CPSF7: variants seen among roughly 807,000 people sequenced by gnomAD.
CPSF7 encodes the protein cleavage and polyadenylation specific factor 7.
Under a neutral mutation model 44.3 loss-of-function variants are expected in CPSF7, and 1 was observed. That is an observed-to-expected ratio of 0.02 (90% CI 0.01 to 0.11). CPSF7 has a LOEUF of 0.11. Ranked by LOEUF, CPSF7 falls within the 10% of genes least tolerant of loss-of-function variation. The pLI is 1.00. For missense variants in CPSF7, 443 were observed against 607.2 expected, an observed-to-expected ratio of 0.73 and a Z score of 2.84; for synonymous variants, 202 against 222.0, an observed-to-expected ratio of 0.91 and a Z score of 0.80.
intron 2 of CPSF7, among the ~76,000 whole-genome samples, chr11:61,428,717 G>A (rs772723866): frequency 6.6e-6 from 1 of 152,202 alleles, no homozygotes; most frequent in Non-Finnish European, 1.5e-5. Flanking sequence ...TAATTGGAAT[G>A]GAGTTGAAAC....
chr11:61,420,233 C>G, intron 4 of CPSF7, 139 bp from the exon 5 acceptor site: 2 of 737,878 alleles, frequency 2.7e-6, no homozygotes, highest in Non-Finnish European at 4.4e-6. Flanking sequence ...GCACTAACAA[C>G]AAAGAGACAG....
In CPSF7 at chr11:61,404,335, TG is replaced by T. The variant is rs1248601313; in HGVS notation, c.*374del. On this transcript the variant is annotated 3_prime_UTR_variant, in exon 10 of 10. Transcript: ENST00000439958. ...TCCTGCATGGAGGATCTATTTTCTTTGGGAAGGAAGTCTTCCCATCAACCTC... is the reference window on the plus strand; with the variant it reads ...TCCTGCATGGAGGATCTATTTTCTTTGGAAGGAAGTCTTCCCATCAACCTC... 6.6e-6 allele frequency: 1 copy of T among 152,624 alleles called. No homozygotes were observed. The highest frequency in any genetic ancestry group is 1.5e-5 in the Non-Finnish European group (1 of 68,060). 9.5% of individuals were successfully genotyped at this position (152,624 alleles called of 1,614,324 possible). A position where few individuals can be genotyped will look rare whatever the true frequency, so the allele number is the denominator to read the frequency against.
intron 9 of CPSF7, chr11:61,410,470 A>G (rs1391834023): frequency 6.6e-6 from 1 of 151,660 alleles, no homozygotes; most frequent in Non-Finnish European, 1.5e-5. Flanking sequence ...ATTTAAATTG[A>G]AAGTTCATAA....
chr11:61,417,040 C>T (rs1860400548), intron 5 of CPSF7, among the ~76,000 whole-genome samples: 1 of 152,102 alleles, frequency 6.6e-6, no homozygotes, highest in Non-Finnish European at 1.5e-5. Flanking sequence ...AACTGGATGG[C>T]ACTTCTATTT....
Position 61,415,762 on chromosome 11 carries a change from A to G in CPSF7, c.961T>C (p.Ser321Pro), listed in dbSNP as rs1288998019. The G allele has an allele frequency of 1.2e-6, 2 of 1,613,604 alleles. No individual in the cohort carries two copies. The highest frequency in any genetic ancestry group is 2.2e-5 in the South Asian group (2 of 91,072). The part of the protein sequence containing the change: ...HGSRDSGPPP[S>P]TVSEAEFEDI... ...TCAAATTCGGCTTCACTCACTGTAG[A>G]GGGTGGAGGGCCCGAATCTCGGCTG... The change falls in exon 7 of 10, where the codon TCT becomes CCT. Residue 321 changes from serine to proline, a missense_variant. Transcript: ENST00000439958.
chr11:61,416,652 A>T, intron 5 of CPSF7, 133 bp from the exon 6 acceptor site: 1 of 907,658 alleles, frequency 1.1e-6, no homozygotes, highest in Non-Finnish European at 1.7e-6. Flanking sequence ...AAAATCATCT[A>T]CTGCCTTTTT....
At chr11:61,425,186 G>T (rs1481720629) in intron 2 of CPSF7, among the ~76,000 whole-genome samples, 1 of 152,222 alleles carries the variant, frequency 6.6e-6, no homozygotes, top group African/African-American at 2.4e-5. Context: ...CACAGGGCAG[G>T]TCTGTTGAGG....
At chr11:61,409,297 C>A (rs1027043805) in intron 9 of CPSF7, among the ~76,000 whole-genome samples, 5 of 151,908 alleles carry the variant, frequency 3.3e-5, no homozygotes, top group East Asian at 1.9e-4. Context: ...GATGATGAAA[C>A]CCCGTCTCTA....
rs1268949074 is a variant in CPSF7, at chr11:61,429,270, G to A, written c.-35C>T. On this transcript the variant is annotated 5_prime_UTR_variant, in exon 2 of 10. Coordinates refer to ENST00000439958, the MANE Select transcript of CPSF7 (RefSeq NM_001142565.3). ...AGGAAGATCGCGAGTCCGGAGGATGGACAAAGTAAGGAAGATGCCACTGCG... is the reference window on the plus strand; with the variant it reads ...AGGAAGATCGCGAGTCCGGAGGATGAACAAAGTAAGGAAGATGCCACTGCG... The A allele has an allele frequency of 1.9e-6, 3 of 1,612,122 alleles. No homozygotes were observed. The highest frequency in any genetic ancestry group is 1.7e-6 in the Non-Finnish European group (2 of 1,178,270).
chr11:61,411,617 G>T, intron 8 of CPSF7, 152 bp downstream of exon 8: 1 of 607,606 alleles, frequency 1.6e-6, no homozygotes, highest in Middle Eastern at 4.7e-4. Context: ...GAAAGCATCT[G>T]ATTAGTTTCT....
At chr11:61,406,240 A>G (rs987796444) in intron 9 of CPSF7, 1 of 152,238 alleles carries the variant, frequency 6.6e-6, no homozygotes, top group Non-Finnish European at 1.5e-5. Context: ...ATTAGCCTTC[A>G]GGCCCCAGAA....
At chr11:61,429,602 G>A in intron 1 of CPSF7, 3 of 807,384 alleles carry the variant, frequency 3.7e-6, no homozygotes, top group Non-Finnish European at 5.7e-6. Context: ...AATGACCGCG[G>A]CGAAGCCCGC....
chr11:61,414,124 T>C (rs879371306), intron 7 of CPSF7, among the ~76,000 whole-genome samples: 3 of 150,672 alleles, frequency 2.0e-5, no homozygotes, highest in Non-Finnish European at 2.9e-5. Context: ...TGGGTATATA[T>C]TACTTTTTAA....
chr11:61,420,879 GT>G, intron 3 of CPSF7: 1 of 480,290 alleles, frequency 2.1e-6, no homozygotes. Context: ...TTATAGATCT[GT>G]CAGGCTAGAG....
intron 5 of CPSF7, among the ~76,000 whole-genome samples, chr11:61,418,957 A>T (rs879618226): frequency 3.3e-5 from 5 of 150,258 alleles, no homozygotes; most frequent in Non-Finnish European, 5.9e-5. Flanking sequence ...GACCTCAGGT[A>T]TCTGCCCGCC....
At position 61,420,540 on chromosome 11, in the gene CPSF7, G is replaced by T; in HGVS notation, c.307C>A (p.Arg103Ser). ...ACCACATCATAGACTCCTATAGAGC[G>T]AATAACCTGGATCAGCTGCTGGTCT... is the stretch of plus-strand genomic sequence containing the variant. ...TTDQQLIQVI[R>S]SIGVYDVVEL... is the part of the protein sequence containing the mutation. Residue 103 changes from arginine to serine, a missense_variant, in exon 4 of 10, where the codon CGC becomes AGC. Coordinates refer to ENST00000439958, the MANE Select transcript of CPSF7 (RefSeq NM_001142565.3). 1 of 1,614,070 alleles carries T rather than the reference G, an allele frequency of 6.2e-7. No individual in the cohort carries two copies. Among genetic ancestry groups the T allele is most frequent in the Non-Finnish European group, 8.5e-7 (1 of 1,179,994 alleles).
intron 7 of CPSF7, among the ~76,000 whole-genome samples, chr11:61,415,048 C>T (rs1312412583): frequency 6.6e-6 from 1 of 152,026 alleles, no homozygotes; most frequent in African/African-American, 2.4e-5. Context: ...ACCATCCTGG[C>T]CAATATGATG....
At chr11:61,418,058 G>A (rs1439787705) in intron 5 of CPSF7, among the ~76,000 whole-genome samples, 1 of 152,220 alleles carries the variant, frequency 6.6e-6, no homozygotes, top group Non-Finnish European at 1.5e-5. Flanking sequence ...CTCCAAAACA[G>A]AGGGGACTTG....
rs1294397097 is a variant in CPSF7 at position 61,402,874 on chromosome 11, G to T, written c.*1836C>A. Reference sequence around the variant, plus strand: ...CTATCAGGAAATAAAACTAAAAATGGTGTCATTGAGTAAAAACAAAACAAA... The same window carrying T: ...CTATCAGGAAATAAAACTAAAAATGTTGTCATTGAGTAAAAACAAAACAAA... On this transcript the variant is annotated 3_prime_UTR_variant, in exon 10 of 10. Coordinates refer to ENST00000439958, the MANE Select transcript of CPSF7 (RefSeq NM_001142565.3). The T allele has an allele frequency of 6.6e-6, 1 of 152,424 alleles. No individual in the cohort carries two copies. The highest frequency in any genetic ancestry group is 6.6e-5 in the Admixed American group (1 of 15,246). The allele number at this position is 152,424 out of a possible 1,614,324, so 9.4% of individuals were successfully genotyped here. A position where few individuals can be genotyped will look rare whatever the true frequency, so the allele number is the denominator to read the frequency against.
Sources: allele counts gnomAD v4.1 joint callset (sites outside exome capture counted in the v4.1 genomes callset), GRCh38; gene constraint gnomAD v4.1.1; transcripts MANE v1.5; gene names NCBI Gene and HGNC (gene_info 2026-07-23, HGNC 2026-07-21).